Variants in FHIP2A observed in about 807,000 individuals in gnomAD.
FHIP2A encodes FHF complex subunit HOOK interacting protein 2A.
In FHIP2A, 46 loss-of-function variants were observed where a neutral mutation model predicts 93.5. The ratio of observed to expected loss-of-function variants is 0.49; its 90% CI spans 0.39 to 0.63. The LOEUF (loss-of-function observed/expected upper bound fraction) is 0.63. FHIP2A is among the 20% of genes least tolerant of loss of function. The probability of loss-of-function intolerance (pLI) is 0.00; values close to 1 mark genes in which losing one functional copy is unlikely to be tolerated. For missense variants in FHIP2A, 769 were observed against 909.7 expected (o/e 0.85, Z 1.99); for synonymous variants, 332 against 326.5 (o/e 1.02, Z -0.18).
downstream of FHIP2A, among the ~76,000 whole-genome samples, chr10:114,865,522 C>T (rs753489574): frequency 6.6e-6 from 1 of 151,826 alleles, no homozygotes; most frequent in Non-Finnish European, 1.5e-5. Context: ...TCACTTTAGA[C>T]GGAAATAAAG....
Position 114,863,747 on chromosome 10 carries a change from G to A in FHIP2A, c.*2207G>A. 2 of 1,284,290 alleles carry A rather than the reference G, an allele frequency of 1.6e-6. No individual in the cohort carries two copies. The highest frequency in any genetic ancestry group is 2.0e-6 in the Non-Finnish European group (2 of 982,502). The allele number at this position is 1,284,290 out of a possible 1,614,324, so 79.6% of individuals were successfully genotyped here. A position where few individuals can be genotyped will look rare whatever the true frequency, so the allele number is the denominator to read the frequency against. Reference sequence around the variant, plus strand: ...TTTTTCTTACCTTCTGTTGACAGCTGAATATTTCTGTTACTCAGTACTTGC... The same window carrying A: ...TTTTTCTTACCTTCTGTTGACAGCTAAATATTTCTGTTACTCAGTACTTGC... On this transcript the variant is annotated 3_prime_UTR_variant, in exon 17 of 17. Transcript: ENST00000369248.
intron 16 of FHIP2A, among the ~76,000 whole-genome samples, chr10:114,874,513 C>A (rs1014343958): frequency 7.9e-5 from 12 of 151,852 alleles, no homozygotes; most frequent in African/African-American, 2.7e-4. Context: ...TTTCGTTTTT[C>A]TTTTTGGAGA....
At chr10:114,827,565 A>G (rs1215382400) in intron 1 of FHIP2A, among the ~76,000 whole-genome samples, 1 of 152,200 alleles carries the variant, frequency 6.6e-6, no homozygotes, top group Non-Finnish European at 1.5e-5. Flanking sequence ...TGGGAGGCCA[A>G]GGCGGGCGGA....
chr10:114,863,199 C>T lies in FHIP2A; in HGVS notation c.*1659C>T, dbSNP rs1239526369. On this transcript the variant is annotated 3_prime_UTR_variant, in exon 17 of 17. Coordinates refer to ENST00000369248, the MANE Select transcript of FHIP2A (RefSeq NM_020940.4). ...AGAAGTGGGAGATAGTTATTTTGTGCGTAATTTTCTTTAAATCATTTTGAA... is the reference window on the plus strand; with the variant it reads ...AGAAGTGGGAGATAGTTATTTTGTGTGTAATTTTCTTTAAATCATTTTGAA... 7 of 979,560 alleles carry T rather than the reference C, an allele frequency of 7.1e-6. No individual in the cohort carries two copies. Among genetic ancestry groups the T allele is most frequent in the Non-Finnish European group, 8.5e-6 (7 of 824,798 alleles). 60.7% of individuals were successfully genotyped at this position (979,560 alleles called of 1,614,324 possible).
chr10:114,859,985 T>C (rs1272727512), intron 14 of FHIP2A, among the ~76,000 whole-genome samples: 2 of 152,200 alleles, frequency 1.3e-5, no homozygotes, highest in Non-Finnish European at 2.9e-5. Context: ...TTTTTGGGAA[T>C]TGGCAGTAGT....
At chr10:114,882,397 T>C (rs1254130560) in intron 16 of FHIP2A, among the ~76,000 whole-genome samples, 2 of 152,110 alleles carry the variant, frequency 1.3e-5, no homozygotes, top group Non-Finnish European at 2.9e-5. Context: ...TGCTCACCTA[T>C]GGATGAGAAA....
At chr10:114,865,180 G>T (rs978078223), downstream of FHIP2A, among the ~76,000 whole-genome samples, 6 of 151,954 alleles carry the variant, frequency 3.9e-5, no homozygotes, top group Non-Finnish European at 8.8e-5. Context: ...TAGAGACGGG[G>T]TTTTACCATG....
In FHIP2A at chr10:114,833,507, A is replaced by G. The variant is rs941225368; in HGVS notation, c.294+105A>G. On this transcript the variant is annotated intron_variant, in intron 3 of 16. Transcript: ENST00000369248. ...TTGATTATAAAGGTACATATTGAAC[A>G]TGGCAGGATTCAAGTTAAGATTGTA... The G allele has an allele frequency of 1.1e-5, 12 of 1,074,612 alleles. No homozygotes were observed. In the African/African-American group the frequency reaches 1.6e-4, roughly 14 times the overall value. The allele number at this position is 1,074,612 out of a possible 1,614,324, so 66.6% of individuals were successfully genotyped here.
At chr10:114,881,605 G>A (rs2083917355) in intron 16 of FHIP2A, among the ~76,000 whole-genome samples, 1 of 152,166 alleles carries the variant, frequency 6.6e-6, no homozygotes, top group Non-Finnish European at 1.5e-5. Context: ...AGAGAAGCCT[G>A]CTGGGATGTA....
At chr10:114,859,907 A>G (rs1018978649) in intron 14 of FHIP2A, among the ~76,000 whole-genome samples, 2 of 152,314 alleles carry the variant, frequency 1.3e-5, no homozygotes, top group African/African-American at 2.4e-5. Flanking sequence ...CATCAGTTCT[A>G]TCCCCAAGTA....
chr10:114,822,756 G>A (rs900182414), intron 1 of FHIP2A, among the ~76,000 whole-genome samples: 9 of 152,182 alleles, frequency 5.9e-5, no homozygotes, highest in East Asian at 1.9e-4. Context: ...GGAGTTTGGA[G>A]GGTCCAGTCG....
downstream of FHIP2A, among the ~76,000 whole-genome samples, chr10:114,864,979 C>T (rs1271004988): frequency 1.4e-5 from 2 of 147,646 alleles, no homozygotes; most frequent in African/African-American, 5.0e-5. Flanking sequence ...TGTTTATGCA[C>T]GTCTCAAAAA....
At chr10:114,835,313 CA>C (rs1375860599) in intron 3 of FHIP2A, among the ~76,000 whole-genome samples, 1 of 152,204 alleles carries the variant, frequency 6.6e-6, no homozygotes, top group Non-Finnish European at 1.5e-5. Context: ...TGTGGTCTCA[CA>C]TGCTGTGTTA....
intron 14 of FHIP2A, among the ~76,000 whole-genome samples, chr10:114,860,204 A>G (rs1452676560): frequency 6.6e-6 from 1 of 151,944 alleles, no homozygotes; most frequent in African/African-American, 2.4e-5. Flanking sequence ...TCTGTCACAT[A>G]TTTGTCTTTA....
chr10:114,847,238 G>T lies in FHIP2A; in HGVS notation c.1712+5G>T, dbSNP rs752111571. On this transcript the variant is annotated splice_donor_5th_base_variant and intron_variant, in intron 12 of 16. Transcript: ENST00000369248. The stretch of plus-strand genomic sequence containing the variant: ...AGTTCATAAAATTGTAAATAGGTGA[G>T]TTGCTATATAAAATTTGACTTCCAT... The T allele has an allele frequency of 1.9e-6, 3 of 1,594,856 alleles. No homozygotes were observed. Among genetic ancestry groups the T allele is most frequent in the Middle Eastern group, 1.7e-4 (1 of 5,948 alleles).
chr10:114,866,168 C>T (rs1002956916), downstream of FHIP2A, among the ~76,000 whole-genome samples: 14 of 152,084 alleles, frequency 9.2e-5, no homozygotes, highest in Admixed American at 6.5e-4. Context: ...TGTTGTTTCC[C>T]GCCCTATGTC....
chr10:114,884,157 T>G (rs1381502440), intron 16 of FHIP2A, among the ~76,000 whole-genome samples: 1 of 152,084 alleles, frequency 6.6e-6, no homozygotes, highest in Non-Finnish European at 1.5e-5. Flanking sequence ...AATAAAAAAG[T>G]GAATTTCTGG....
At position 114,847,170 on chromosome 10, in the gene FHIP2A, C is replaced by G. The variant is rs764911699; in HGVS notation, c.1649C>G (p.Pro550Arg). Residue 550 changes from proline to arginine, a missense_variant, in exon 12 of 17, where the codon CCT becomes CGT. By Grantham distance (103) the Pro-to-Arg change is moderately radical. Coordinates refer to ENST00000369248, the MANE Select transcript of FHIP2A (RefSeq NM_020940.4). The part of the protein sequence containing the change: ...LPNQEWLSSS[P>R]PATPDHPKND... ...AACCAAGAGTGGCTTAGTTCTTCAC[C>G]TCCTGCTACTCCAGACCACCCCAAA... The G allele has an allele frequency of 1.2e-6, 2 of 1,613,372 alleles. No individual in the cohort carries two copies. The highest frequency in any genetic ancestry group is 4.5e-5 in the East Asian group (2 of 44,858).
At chr10:114,881,767 A>G (rs945161317) in intron 16 of FHIP2A, among the ~76,000 whole-genome samples, 8 of 152,270 alleles carry the variant, frequency 5.3e-5, no homozygotes, top group Non-Finnish European at 8.8e-5. Flanking sequence ...GTTCTCCCCA[A>G]TGCCCATTCT....
Sources: gnomAD v4.1 joint callset for allele counts (sites outside exome capture counted in the v4.1 genomes callset) on GRCh38, gnomAD v4.1.1 for gene constraint, MANE v1.5 for transcripts, NCBI Gene and HGNC (gene_info 2026-07-23, HGNC 2026-07-21) for gene names.